Variants in ATP6V1A observed in about 807,000 individuals in gnomAD.
The protein encoded by ATP6V1A is V-type proton ATPase catalytic subunit A.
ATP6V1A carries 18 observed loss-of-function variants against 70.1 expected under a neutral mutation model. The ratio of observed to expected loss-of-function variants is 0.26; its 90% confidence interval spans 0.18 to 0.38. The LOEUF is 0.38. Among genes scored for constraint, ATP6V1A ranks in the 10% least tolerant of loss-of-function variants. The probability of loss-of-function intolerance (pLI) is 1.00; values close to 1 mark genes in which losing one functional copy is unlikely to be tolerated. For synonymous variants in ATP6V1A, 232 were observed against 253.8 expected (o/e 0.91, Z 0.82); for missense variants, 424 against 772.4 (o/e 0.55, Z 5.35).
At chr3:113,805,610 C>T (rs898082804) in intron 14 of ATP6V1A, 85 bp downstream of exon 14, 48 of 1,343,112 alleles carry the variant, frequency 3.6e-5, no homozygotes, top group Admixed American at 1.4e-4. Flanking sequence ...CACTCTGTTG[C>T]GAGGCTGGAG....
At chr3:113,786,137 C>A in intron 5 of ATP6V1A, 95 bp from the exon 6 acceptor site, 1 of 1,140,284 alleles carries the variant, frequency 8.8e-7, no homozygotes, top group Admixed American at 2.7e-5. Flanking sequence ...ACATGTATCA[C>A]CTTCCTAACC....
chr3:113,789,590 GTGGTGGGGAATA>G, intron 7 of ATP6V1A, 130 bp from the exon 8 acceptor site: 1 of 568,258 alleles, frequency 1.8e-6, no homozygotes. Context: ...AGAGGTTGGA[GTGGTGGGGAATA>G]TTACTTTAGG....
chr3:113,791,323 C>T (rs1401097920), intron 8 of ATP6V1A, among the ~76,000 whole-genome samples: 1 of 150,382 alleles, frequency 6.6e-6, no homozygotes, highest in Non-Finnish European at 1.5e-5. Flanking sequence ...TCTTTCAGCT[C>T]ATCAAGTATC....
intron 14 of ATP6V1A, among the ~76,000 whole-genome samples, chr3:113,807,904 C>T (rs1156327700): frequency 6.6e-6 from 1 of 152,024 alleles, no homozygotes; most frequent in Admixed American, 6.6e-5. Context: ...CAGGCCGAGG[C>T]GGGTGGATCA....
chr3:113,749,250 CATT>C (rs1329295119), intron 1 of ATP6V1A, among the ~76,000 whole-genome samples: 1 of 140,932 alleles, frequency 7.1e-6, no homozygotes, highest in Non-Finnish European at 1.5e-5. Flanking sequence ...AAAGCTTTGA[CATT>C]ATACACAGAT....
At chr3:113,773,848 A>G (rs1559753220) in intron 1 of ATP6V1A, among the ~76,000 whole-genome samples, 1 of 152,208 alleles carries the variant, frequency 6.6e-6, no homozygotes, top group Non-Finnish European at 1.5e-5. Context: ...TCTCCAGCCT[A>G]TAGTACTTCT....
chr3:113,764,554 G>C (rs1185599813), intron 1 of ATP6V1A, among the ~76,000 whole-genome samples: 6 of 152,152 alleles, frequency 3.9e-5, no homozygotes, highest in Non-Finnish European at 8.8e-5. Flanking sequence ...AGATTTTAAA[G>C]AAAGATGTGT....
intron 1 of ATP6V1A, among the ~76,000 whole-genome samples, chr3:113,761,673 TTG>T (rs1226291290): frequency 6.7e-6 from 1 of 148,908 alleles, no homozygotes; most frequent in Non-Finnish European, 1.5e-5. Context: ...GAGGCAGAGA[TTG>T]TGGTGAGCCA....
At chr3:113,769,203 A>G (rs1319356011) in intron 1 of ATP6V1A, among the ~76,000 whole-genome samples, 1 of 152,240 alleles carries the variant, frequency 6.6e-6, no homozygotes, top group Non-Finnish European at 1.5e-5. Flanking sequence ...CTCTAAAAGT[A>G]TGATCAGGTA....
chr3:113,782,982 T>TAAA (rs1708996550), intron 3 of ATP6V1A, among the ~76,000 whole-genome samples: 1 of 152,152 alleles, frequency 6.6e-6, no homozygotes, highest in Non-Finnish European at 1.5e-5. Context: ...TATAGTAAAA[T>TAAA]GTTAAATATA....
chr3:113,764,045 GC>G (rs1456253997), intron 1 of ATP6V1A, among the ~76,000 whole-genome samples: 1 of 152,044 alleles, frequency 6.6e-6, no homozygotes, highest in African/African-American at 2.4e-5. Flanking sequence ...TTCAAGAGCA[GC>G]CTGGGTAACA....
chr3:113,760,383 T>C (rs1211457758), intron 1 of ATP6V1A, among the ~76,000 whole-genome samples: 2 of 152,234 alleles, frequency 1.3e-5, no homozygotes, highest in African/African-American at 4.8e-5. Flanking sequence ...TGGGTTAATA[T>C]ACCTGAGCAC....
intron 14 of ATP6V1A, among the ~76,000 whole-genome samples, chr3:113,805,861 T>G (rs1458923628): frequency 6.6e-6 from 1 of 152,216 alleles, no homozygotes; most frequent in African/African-American, 2.4e-5. Context: ...TTTTTCTAGC[T>G]ATTTTGAGTC....
chr3:113,795,088 A>G lies in ATP6V1A; in HGVS notation c.1112-2A>G. The G allele has an allele frequency of 6.2e-7, 1 of 1,613,548 alleles. No individual in the cohort carries two copies. ...GTTTTAAAATTTCTTTTCATTTTTCAGATAGTGGATATCCAGCCTATCTTG... is the reference window on the plus strand; with the variant it reads ...GTTTTAAAATTTCTTTTCATTTTTCGGATAGTGGATATCCAGCCTATCTTG... On this transcript the variant is annotated splice_acceptor_variant, in intron 9 of 14. Transcript: ENST00000273398. LOFTEE classifies it high-confidence loss of function.
At chr3:113,750,347 C>T (rs1445071529) in intron 1 of ATP6V1A, among the ~76,000 whole-genome samples, 4 of 152,098 alleles carry the variant, frequency 2.6e-5, no homozygotes, top group Non-Finnish European at 5.9e-5. Flanking sequence ...CCAGGCATGG[C>T]GGCACGCGCC....
chr3:113,771,044 G>A (rs567633776), intron 1 of ATP6V1A, among the ~76,000 whole-genome samples: 47 of 148,612 alleles, frequency 3.2e-4, no homozygotes, highest in African/African-American at 1.1e-3. Context: ...GCTGCGAACC[G>A]AGATCATGCC....
chr3:113,794,828 A>G lies in ATP6V1A; in HGVS notation c.989-44A>G, dbSNP rs557862879. On this transcript the variant is annotated intron_variant, in intron 8 of 14. Coordinates refer to ENST00000273398, the MANE Select transcript of ATP6V1A (RefSeq NM_001690.4). ...AAGGGTGGAAAAAAACAGGATTTTT[A>G]TATGCTAGCATTGTAACTTATAATA... 17 of 1,565,090 alleles carry G rather than the reference A, an allele frequency of 1.1e-5. No individual in the cohort carries two copies. The African/African-American group carries it at 1.6e-4, about 15-fold the overall frequency.
intron 1 of ATP6V1A, among the ~76,000 whole-genome samples, chr3:113,761,426 G>A (rs201870480): frequency 3.3e-5 from 5 of 151,648 alleles, no homozygotes; most frequent in Non-Finnish European, 7.4e-5. Flanking sequence ...GAGTAATATG[G>A]TAATTGTAAA....
chr3:113,794,810 GAA>G, intron 8 of ATP6V1A, 60 bp from the exon 9 acceptor site: 1 of 1,540,572 alleles, frequency 6.5e-7, no homozygotes, highest in South Asian at 1.2e-5. Context: ...CTTAAGGGTG[GAA>G]AAAAACAGGA....
Sources: gnomAD v4.1 joint callset for allele counts (sites outside exome capture counted in the v4.1 genomes callset) on GRCh38, gnomAD v4.1.1 for gene constraint, MANE v1.5 for transcripts, NCBI Gene and HGNC (gene_info 2026-07-23, HGNC 2026-07-21) for gene names.